DSP: variants seen among roughly 807,000 people sequenced by gnomAD.
DSP encodes the protein desmoplakin, also known as 250/210 kDa paraneoplastic pemphigus antigen.
DSP carries 114 observed loss-of-function variants against 290.6 expected under a neutral mutation model. That is an observed-to-expected ratio of 0.39 (90% CI 0.34 to 0.46). The LOEUF is 0.46. Among genes scored for constraint, DSP ranks in the 20% least tolerant of loss-of-function variants. The pLI, the probability that DSP is intolerant of heterozygous loss-of-function variation, is 0.99. For missense variants in DSP, 3,230 were observed against 3,495.8 expected (o/e 0.92, Z 1.92); for synonymous variants, 1,311 against 1,316.4 (o/e 1.00, Z 0.09).
chr6:7,565,584 C>T lies in DSP; in HGVS notation c.939+64C>T. 3 of 1,589,862 alleles carry T rather than the reference C, an allele frequency of 1.9e-6. No individual in the cohort carries two copies. The highest frequency in any genetic ancestry group is 1.7e-6 in the Non-Finnish European group (2 of 1,159,178). Reference sequence around the variant, plus strand: ...GCCTGTTGCCTTGAAGAGCTGGGGTCTCGGGGAATGATTGGTCTATTAATA... The same window carrying T: ...GCCTGTTGCCTTGAAGAGCTGGGGTTTCGGGGAATGATTGGTCTATTAATA... On this transcript the variant is annotated intron_variant, in intron 7 of 23. Transcript: ENST00000379802. The surrounding 1 kb of genome is among the most constrained non-coding windows in gnomAD (Gnocchi z 4.2).
rs77975974 is a variant in DSP, at chr6:7,572,105, A to G, written c.2130+37A>G. On this transcript the variant is annotated intron_variant, in intron 15 of 23. Coordinates refer to ENST00000379802, the MANE Select transcript of DSP (RefSeq NM_004415.4). The stretch of plus-strand genomic sequence containing the variant: ...CTAGTATTTTGCCTGGTTACCCTGT[A>G]TATTTTTATTTACCTGTAAATGAAT... The G allele has an allele frequency of 3.2e-4, 502 of 1,554,154 alleles. 4 individuals are homozygous for G. The African/African-American group carries it at 6.0e-3, about 19-fold the overall frequency.
At chr6:7,559,135 A>C in intron 3 of DSP, 91 bp from the exon 4 acceptor site, 2 of 1,422,050 alleles carry the variant, frequency 1.4e-6, no homozygotes, top group Non-Finnish European at 2.0e-6. Context: ...TTCTCTATTG[A>C]CACAAAAGAC....
rs1759045547 is a variant in DSP at position 7,571,389 on chromosome 6, A to G, written c.1708A>G (p.Thr570Ala). 6.2e-7 allele frequency: 1 copy of G among 1,614,050 alleles called. No individual in the cohort carries two copies. The highest frequency in any genetic ancestry group is 1.7e-5 in the Admixed American group (1 of 60,002). ...TCTGCCTGTCTCCTTTCAGCTGAAA[A>G]CAATGCGGCAGGAAGATTACATGAA... ...IRAMTIAKLK[T>A]MRQEDYMKTI... Residue 570 changes from threonine (T) to alanine (A), a missense_variant, in exon 14 of 24, where the codon ACA (threonine) becomes GCA (alanine). By Grantham distance (58) the Thr-to-Ala change is moderately conservative. Coordinates refer to ENST00000379802, the MANE Select transcript of DSP (RefSeq NM_004415.4).
rs1296848321 is a variant in DSP at position 7,584,447 on chromosome 6, C to T, written c.7185C>T (p.Gly2395=). 1.1e-5 allele frequency: 18 copies of T among 1,614,008 alleles called. No individual in the cohort carries two copies. Among genetic ancestry groups the T allele is most frequent in the Admixed American group, 1.7e-5 (1 of 59,996 alleles). Reference sequence around the variant, plus strand: ...CAGTTGACATAGCATATAAGAGGGGCTATTTCAATGAGGAACTCAGTGAGA... The same window carrying T: ...CAGTTGACATAGCATATAAGAGGGGTTATTTCAATGAGGAACTCAGTGAGA... ...RLPVDIAYKR[G]YFNEELSEIL... is the part of the protein sequence containing the mutation. The change falls in exon 24 of 24, where the codon GGC becomes GGT. Residue 2395 remains glycine, a synonymous_variant. Transcript: ENST00000379802. This position sits in a 1 kb window ranked among gnomAD's most constrained non-coding sequence, Gnocchi z 6.4.
chr6:7,570,162 T>A (rs1335021623), intron 12 of DSP, among the ~76,000 whole-genome samples: 1 of 152,198 alleles, frequency 6.6e-6, no homozygotes, highest in Non-Finnish European at 1.5e-5. Flanking sequence ...CCATCCTGCC[T>A]TAGACCTCTG....
rs2113697830 is a variant in DSP at position 7,582,682 on chromosome 6, A to C, written c.5420A>C (p.Gln1807Pro). Residue 1807 changes from glutamine (Q) to proline (P), a missense_variant, in exon 24 of 24, where the codon CAG becomes CCG. Coordinates refer to ENST00000379802, the MANE Select transcript of DSP (RefSeq NM_004415.4). This position sits in a 1 kb window ranked among gnomAD's most constrained non-coding sequence, Gnocchi z 4.2. ...RIQESKNQCT[Q>P]VVQERESLLV... ...CAGGAATCAAAGAATCAGTGTACTC[A>C]GGTGGTACAGGAAAGAGAGAGCCTT... 1 of 1,613,880 alleles carries C rather than the reference A, an allele frequency of 6.2e-7. No individual in the cohort carries two copies. The highest frequency in any genetic ancestry group is 8.5e-7 in the Non-Finnish European group (1 of 1,179,966).
rs550191477 is a variant in DSP, at chr6:7,585,019, G to A, written c.7757G>A (p.Arg2586Gln). 10 of 1,614,160 alleles carry A rather than the reference G, an allele frequency of 6.2e-6. No homozygotes were observed. The highest frequency in any genetic ancestry group is 2.2e-5 in the East Asian group (1 of 44,888). ...AGCGATGATGTTTTTAGCAGCTCCC[G>A]ACATGAATCAGTAAGTAAGATTTCC... Reference protein sequence around the residue: ...GVSDDVFSSSRHESVSKISTI... With the variant: ...GVSDDVFSSSQHESVSKISTI... Residue 2586 changes from arginine (R) to glutamine (Q), a missense_variant, in exon 24 of 24, where the codon CGA (arginine) becomes CAA (glutamine). Around this residue, in one of 5 missense-constraint regions of DSP, gnomAD observed 582 missense variants for 555.4 expected, o/e 1.05. Transcript: ENST00000379802.
intron 22 of DSP, 69 bp downstream of exon 22, chr6:7,578,631 C>T: frequency 8.3e-7 from 1 of 1,204,738 alleles, no homozygotes; most frequent in Non-Finnish European, 1.2e-6. Flanking sequence ...ATTACTTCCA[C>T]ATTATAACAT....
intron 19 of DSP, 55 bp downstream of exon 19, chr6:7,576,511 A>C: frequency 6.2e-7 from 1 of 1,605,866 alleles, no homozygotes. Flanking sequence ...GGTGTAATTC[A>C]TGTTTTCCTC....
In DSP at chr6:7,585,563, C is replaced by G. The variant is rs145362059; in HGVS notation, c.8301C>G (p.Thr2767=). The change falls in exon 24 of 24, where the codon ACC becomes ACG. Residue 2767 remains threonine (T), a synonymous_variant. Coordinates refer to ENST00000379802, the MANE Select transcript of DSP (RefSeq NM_004415.4). ...DGRAAQRLQD[T]SSYAKILTCP... Reference sequence around the variant, plus strand: ...GCGCCGCACAGAGGCTGCAAGACACCAGCAGCTATGCCAAAATCCTGACCT... The same window carrying G: ...GCGCCGCACAGAGGCTGCAAGACACGAGCAGCTATGCCAAAATCCTGACCT... The G allele has an allele frequency of 4.3e-4, 696 of 1,614,146 alleles. 5 individuals are homozygous for G. The highest frequency in any genetic ancestry group is 4.1e-3 in the Middle Eastern group (25 of 6,062).
In DSP at chr6:7,585,806, A is replaced by T; in HGVS notation, c.8544A>T (p.Gly2848=). Reference sequence around the variant, plus strand: ...GGTCCCGCAGTGGGTCCCGGAGAGGAAGCTTTGACGCCACAGGGAATTCTT... The same window carrying T: ...GGTCCCGCAGTGGGTCCCGGAGAGGTAGCTTTGACGCCACAGGGAATTCTT... ...RSGSRSGSRR[G]SFDATGNSSY... The change falls in exon 24 of 24, where the codon GGA becomes GGT. Residue 2848 remains glycine, a synonymous_variant. Transcript: ENST00000379802. 1.2e-6 allele frequency: 2 copies of T among 1,610,564 alleles called. No individual in the cohort carries two copies. The highest frequency in any genetic ancestry group is 1.7e-6 in the Non-Finnish European group (2 of 1,179,082).
intron 1 of DSP, among the ~76,000 whole-genome samples, chr6:7,548,590 A>G (rs984728176): frequency 3.3e-5 from 5 of 152,248 alleles, no homozygotes; most frequent in Non-Finnish European, 7.3e-5. Flanking sequence ...ACAATCTGCC[A>G]AACACACAGT....
At chr6:7,569,931 GA>G (rs1758990841) in intron 12 of DSP, among the ~76,000 whole-genome samples, 1 of 152,106 alleles carries the variant, frequency 6.6e-6, no homozygotes, top group African/African-American at 2.4e-5. Flanking sequence ...CCTTTTCTTA[GA>G]AAATCAGTTG....
intron 12 of DSP, 33 bp downstream of exon 12, chr6:7,569,373 C>T (rs764743156): frequency 8.7e-6 from 14 of 1,614,114 alleles, no homozygotes; most frequent in Non-Finnish European, 1.2e-5. Flanking sequence ...GCCACGCATG[C>T]ACGCATGAAT....
Position 7,583,287 on chromosome 6 carries a change from C to T in DSP, c.6025C>T (p.Gln2009Ter). Reference sequence around the variant, plus strand: ...AGTGGAAGAAGTTGCTTCTGAAATCCAGCCATTCCTTCGGGGTGCAGGATC... The same window carrying T: ...AGTGGAAGAAGTTGCTTCTGAAATCTAGCCATTCCTTCGGGGTGCAGGATC... ...KSVEEVASEI[Q>*]PFLRGAGSIA... The change falls in exon 24 of 24, where the codon CAG (glutamine) becomes TAG (stop). Residue 2009 changes from glutamine (Q) to a stop codon, truncating the protein, a stop_gained. Transcript: ENST00000379802. LOFTEE classifies it high-confidence loss of function. This position sits in a 1 kb window ranked among gnomAD's most constrained non-coding sequence, Gnocchi z 4.0. 1 of 1,614,192 alleles carries T rather than the reference C, an allele frequency of 6.2e-7. No homozygotes were observed. The highest frequency in any genetic ancestry group is 8.5e-7 in the Non-Finnish European group (1 of 1,180,048).
Position 7,580,212 on chromosome 6 carries a change from G to A in DSP, c.4022G>A (p.Arg1341His), listed in dbSNP as rs112242645. 91 of 1,613,962 alleles carry A rather than the reference G, an allele frequency of 5.6e-5. No individual in the cohort carries two copies. Among genetic ancestry groups the A allele is most frequent in the East Asian group, 3.3e-4 (15 of 44,878 alleles). The change falls in exon 23 of 24, where the codon CGC (arginine) becomes CAC (histidine). Residue 1341 changes from arginine to histidine, a missense_variant. This residue lies in a region of DSP where 1,714 missense variants were observed against 1,844.5 expected (regional missense o/e 0.93). Transcript: ENST00000379802. This position sits in a 1 kb window ranked among gnomAD's most constrained non-coding sequence, Gnocchi z 4.2. ...KAEFQEEAKR[R>H]WEYENELSKV... ...GAGTTTCAGGAGGAGGCCAAGCGCCGCTGGGAATATGAAAATGAACTGAGT... is the reference window on the plus strand; with the variant it reads ...GAGTTTCAGGAGGAGGCCAAGCGCCACTGGGAATATGAAAATGAACTGAGT...
At chr6:7,566,040 G>C (rs900995249) in intron 7 of DSP, among the ~76,000 whole-genome samples, 1 of 152,196 alleles carries the variant, frequency 6.6e-6, no homozygotes, top group African/African-American at 2.4e-5. Context: ...ACCGTAGTTT[G>C]TTTAGAGAGG....
At chr6:7,577,207 A>C (rs1759267817) in intron 20 of DSP, among the ~76,000 whole-genome samples, 165 bp downstream of exon 20, 1 of 152,246 alleles carries the variant, frequency 6.6e-6, no homozygotes, top group Non-Finnish European at 1.5e-5. Context: ...ATTAGCTTGA[A>C]TTCATTCCAC....
At chr6:7,542,802 C>T (rs1021016760) in intron 1 of DSP, among the ~76,000 whole-genome samples, 1 of 152,256 alleles carries the variant, frequency 6.6e-6, no homozygotes, top group Non-Finnish European at 1.5e-5. Context: ...CCCCCGCGGG[C>T]GAGCGCACCT....
Sources: allele counts gnomAD v4.1 joint callset (sites outside exome capture counted in the v4.1 genomes callset), GRCh38; gene constraint gnomAD v4.1.1; regional missense constraint gnomAD v4.1.1; non-coding constraint Gnocchi (gnomAD v3.1); transcripts MANE v1.5; gene names NCBI Gene and HGNC (gene_info 2026-07-23, HGNC 2026-07-21).